SCHIP1: variants seen among roughly 807,000 people sequenced by gnomAD.
SCHIP1 encodes schwannomin interacting protein 1.
Under a neutral mutation model 29.7 loss-of-function variants are expected in SCHIP1, and 8 were observed. That is an observed-to-expected ratio of 0.27 (90% confidence interval 0.16 to 0.49). The LOEUF (loss-of-function observed/expected upper bound fraction) is 0.49. Among genes scored for constraint, SCHIP1 ranks in the 20% least tolerant of loss-of-function variants. The probability of loss-of-function intolerance (pLI) is 0.99; values close to 1 mark genes in which losing one functional copy is unlikely to be tolerated. For synonymous variants in SCHIP1, 76 were observed against 94.9 expected, an observed-to-expected ratio of 0.80 and a Z score of 1.16; for missense variants, 193 against 294.6, an observed-to-expected ratio of 0.66 and a Z score of 2.52.
At chr3:159,587,628 C>A in the SCHIP1 span, among the ~76,000 whole-genome samples, 2 of 152,032 alleles carry the variant, frequency 1.3e-5, no homozygotes, top group African/African-American at 4.8e-5. Flanking sequence ...CCTTTCCCCA[C>A]CCCACAACAG....
chr3:159,420,961 C>A, the SCHIP1 span, among the ~76,000 whole-genome samples: 4 of 152,264 alleles, frequency 2.6e-5, no homozygotes, highest in Admixed American at 2.6e-4. Context: ...TTAAGACAAG[C>A]CTGCCTGATG....
the SCHIP1 span, among the ~76,000 whole-genome samples, chr3:159,481,398 A>AT: frequency 1.3e-5 from 2 of 152,198 alleles, no homozygotes; most frequent in South Asian, 4.1e-4. Context: ...AGTGTTCTGT[A>AT]TTGACTGTAC....
At chr3:159,540,702 T>C in the SCHIP1 span, among the ~76,000 whole-genome samples, 1 of 152,114 alleles carries the variant, frequency 6.6e-6, no homozygotes. Flanking sequence ...TTTATTTATA[T>C]ATAAGGTGCA....
chr3:159,494,526 C>T, the SCHIP1 span, among the ~76,000 whole-genome samples: 1 of 152,320 alleles, frequency 6.6e-6, no homozygotes, highest in East Asian at 1.9e-4. Flanking sequence ...AATTCCTCGA[C>T]ACATACACCC....
chr3:159,856,521 T>A (rs2109155212), intron 1 of SCHIP1, among the ~76,000 whole-genome samples: 1 of 152,182 alleles, frequency 6.6e-6, no homozygotes, highest in East Asian at 1.9e-4. Context: ...ATCGGGAAAA[T>A]TTAATATAGA....
At chr3:159,781,156 A>G in the SCHIP1 span, among the ~76,000 whole-genome samples, 2 of 152,142 alleles carry the variant, frequency 1.3e-5, no homozygotes, top group African/African-American at 4.8e-5. Flanking sequence ...AAATGTTCTG[A>G]ATCCATTTTG....
the SCHIP1 span, among the ~76,000 whole-genome samples, chr3:159,728,478 T>A: frequency 6.6e-6 from 1 of 152,202 alleles, no homozygotes; most frequent in Non-Finnish European, 1.5e-5. Context: ...TCTTGTTAAG[T>A]TGTTCCATGC....
exon 7 of SCHIP1, chr3:159,896,857 G>A (rs1718115187): frequency 2.1e-6 from 3 of 1,409,804 alleles, no homozygotes; most frequent in Non-Finnish European, 2.9e-6. Flanking sequence ...AGGTGGCGCA[G>A]AAACAAATAT....
chr3:159,697,750 T>C, the SCHIP1 span, among the ~76,000 whole-genome samples: 216 of 152,006 alleles, frequency 1.4e-3, no homozygotes, highest in African/African-American at 5.1e-3. Flanking sequence ...TTGAAATGGA[T>C]AATCTAAAAA....
intron 2 of SCHIP1, among the ~76,000 whole-genome samples, chr3:159,881,181 C>T (rs1306555928): frequency 6.6e-6 from 1 of 152,108 alleles, no homozygotes; most frequent in Non-Finnish European, 1.5e-5. Context: ...GACAGATTCT[C>T]AGAAAAATGA....
At chr3:159,704,839 C>T in the SCHIP1 span, among the ~76,000 whole-genome samples, 12 of 151,822 alleles carry the variant, frequency 7.9e-5, 1 homozygote, top group African/African-American at 2.9e-4. Flanking sequence ...TTCTTTCTTG[C>T]TTCTTTTTTA....
At chr3:159,590,373 C>G in the SCHIP1 span, among the ~76,000 whole-genome samples, 3 of 152,036 alleles carry the variant, frequency 2.0e-5, no homozygotes, top group Non-Finnish European at 4.4e-5. Flanking sequence ...GTCAGGAGTT[C>G]GAGACCAGCC....
At chr3:159,598,990 T>C in the SCHIP1 span, among the ~76,000 whole-genome samples, 2 of 152,198 alleles carry the variant, frequency 1.3e-5, no homozygotes, top group African/African-American at 4.8e-5. Flanking sequence ...TTTACTCTTC[T>C]TGACTTAAAG....
the SCHIP1 span, among the ~76,000 whole-genome samples, chr3:159,627,511 A>G: frequency 6.6e-6 from 1 of 152,202 alleles, no homozygotes; most frequent in African/African-American, 2.4e-5. Context: ...CAAATGAAGA[A>G]TCAAAGATGT....
At chr3:159,795,064 C>T in the SCHIP1 span, among the ~76,000 whole-genome samples, 5 of 152,284 alleles carry the variant, frequency 3.3e-5, no homozygotes, top group East Asian at 9.7e-4. Context: ...GGACAGAAAT[C>T]AGGGACTCAG....
chr3:159,397,168 C>T, the SCHIP1 span, among the ~76,000 whole-genome samples: 21 of 151,658 alleles, frequency 1.4e-4, no homozygotes, highest in Admixed American at 7.9e-4. Flanking sequence ...GTTTTCAGCT[C>T]CATCAGCTCC....
At chr3:159,574,087 A>C in the SCHIP1 span, among the ~76,000 whole-genome samples, 1 of 152,036 alleles carries the variant, frequency 6.6e-6, no homozygotes, top group Non-Finnish European at 1.5e-5. Flanking sequence ...GTTTATTACT[A>C]ACAACCTTCT....
chr3:159,835,591 C>A (rs530054091), upstream of SCHIP1, among the ~76,000 whole-genome samples: 4 of 152,292 alleles, frequency 2.6e-5, no homozygotes, highest in Admixed American at 1.3e-4. Flanking sequence ...GCCTGCATAT[C>A]ATCAATTTGA....
the SCHIP1 span, among the ~76,000 whole-genome samples, chr3:159,716,601 A>C: frequency 6.6e-6 from 1 of 152,062 alleles, no homozygotes; most frequent in Non-Finnish European, 1.5e-5. Context: ...AGTCTCTGAT[A>C]AAACAGACTT....
Sources: allele counts gnomAD v4.1 joint callset (sites outside exome capture counted in the v4.1 genomes callset), GRCh38; gene constraint gnomAD v4.1.1; transcripts MANE v1.5; gene names NCBI Gene and HGNC (gene_info 2026-07-23, HGNC 2026-07-21).